Variants in NAA25 observed in about 807,000 individuals in gnomAD.
NAA25 encodes N-alpha-acetyltransferase 25, NatB auxiliary subunit.
Under a neutral mutation model 132.5 loss-of-function variants are expected in NAA25, and 30 were observed. The observed-to-expected ratio is 0.23, with a 90% confidence interval of 0.17 to 0.31. The LOEUF (loss-of-function observed/expected upper bound fraction) is 0.31. Ranked by LOEUF, NAA25 falls within the 10% of genes least tolerant of loss-of-function variation. The probability of loss-of-function intolerance (pLI) is 1.00; values close to 1 mark genes in which losing one functional copy is unlikely to be tolerated. For synonymous variants in NAA25, 359 were observed against 401.9 expected (o/e 0.89, Z 1.28); for missense variants, 771 against 1,150.4 (o/e 0.67, Z 4.77).
rs1565994821 is a variant in NAA25, at chr12:112,033,216, T to TG, written c.2796+16dup. On this transcript the variant is annotated intron_variant, in intron 23 of 23. Coordinates refer to ENST00000261745, the MANE Select transcript of NAA25 (RefSeq NM_024953.4). The stretch of plus-strand genomic sequence containing the variant: ...TGTGTGTGTAGAAAACATTGCCGAT[T>TG]GCCTACAATCTCTTACCGGTGAGAG... The TG allele has an allele frequency of 4.4e-6, 7 of 1,591,314 alleles. No individual in the cohort carries two copies. The highest frequency in any genetic ancestry group is 6.0e-6 in the Non-Finnish European group (7 of 1,169,846).
chr12:112,051,222 T>C (rs897400837), intron 15 of NAA25, among the ~76,000 whole-genome samples: 1 of 152,128 alleles, frequency 6.6e-6, no homozygotes, highest in Non-Finnish European at 1.5e-5. Context: ...ATATTTTTCT[T>C]TTTTGGTGGG....
At chr12:112,057,931 A>G (rs926885181) in intron 13 of NAA25, among the ~76,000 whole-genome samples, 4 of 152,112 alleles carry the variant, frequency 2.6e-5, no homozygotes, top group Non-Finnish European at 5.9e-5. Flanking sequence ...CAGTGAGCCA[A>G]GATTGTGCCA....
At chr12:112,064,917 C>T (rs2078692937) in intron 11 of NAA25, among the ~76,000 whole-genome samples, 1 of 152,006 alleles carries the variant, frequency 6.6e-6, no homozygotes. Context: ...GCCTGTAATC[C>T]CAGCTACTTG....
At chr12:112,032,287 A>G (rs1593738525) in intron 23 of NAA25, among the ~76,000 whole-genome samples, 1 of 151,930 alleles carries the variant, frequency 6.6e-6, no homozygotes, top group East Asian at 1.9e-4. Context: ...TTTTTAATCA[A>G]TCTTTGGTAA....
intron 3 of NAA25, chr12:112,090,336 A>G (rs2079112740): frequency 6.3e-6 from 1 of 159,330 alleles, no homozygotes; most frequent in Non-Finnish European, 1.4e-5. Flanking sequence ...GCTCTGAAGT[A>G]ATCTGCCAGG....
At chr12:112,072,754 T>C (rs1392810406) in intron 9 of NAA25, among the ~76,000 whole-genome samples, 2 of 151,232 alleles carry the variant, frequency 1.3e-5, no homozygotes, top group Non-Finnish European at 2.9e-5. Context: ...GCCTAGGCAA[T>C]GCATGGAGAC....
chr12:112,066,934 T>A (rs780882592), intron 11 of NAA25, among the ~76,000 whole-genome samples: 14 of 152,216 alleles, frequency 9.2e-5, no homozygotes, highest in Non-Finnish European at 2.1e-4. Flanking sequence ...TCATTCCACA[T>A]GGGGACAATA....
intron 16 of NAA25, 30 bp downstream of exon 16, chr12:112,048,262 G>T: frequency 1.9e-6 from 3 of 1,597,284 alleles, no homozygotes; most frequent in Non-Finnish European, 2.6e-6. Context: ...TAATCCCTTA[G>T]TTCCTTTATA....
At chr12:112,087,281 A>C (rs1396873233) in intron 4 of NAA25, among the ~76,000 whole-genome samples, 1 of 152,226 alleles carries the variant, frequency 6.6e-6, no homozygotes, top group Non-Finnish European at 1.5e-5. Context: ...TAAAAATCTT[A>C]GCAGGCTATC....
At chr12:112,073,567 G>A (rs1324299335) in intron 9 of NAA25, among the ~76,000 whole-genome samples, 1 of 152,126 alleles carries the variant, frequency 6.6e-6, no homozygotes, top group East Asian at 1.9e-4. Context: ...CTCCAGAGTA[G>A]CTGGGACTAC....
At chr12:112,039,195 G>T in intron 22 of NAA25, 34 bp downstream of exon 22, 1 of 1,324,114 alleles carries the variant, frequency 7.6e-7, no homozygotes. Context: ...TGGTCAGATT[G>T]TTCCTTGTAT....
Position 112,108,776 on chromosome 12 carries a change from T to C in NAA25, c.-3A>G. The C allele has an allele frequency of 3.3e-6, 5 of 1,518,366 alleles. No individual in the cohort carries two copies. Among genetic ancestry groups the C allele is most frequent in the Non-Finnish European group, 4.4e-6 (5 of 1,129,292 alleles). 94.1% of individuals were successfully genotyped at this position (1,518,366 alleles called of 1,614,324 possible). A position where few individuals can be genotyped will look rare whatever the true frequency, so the allele number is the denominator to read the frequency against. On this transcript the variant is annotated 5_prime_UTR_variant, in exon 1 of 24. Transcript: ENST00000261745. ...TGCACATGGCCCCGCGTCGCCATGA[T>C]GACAAGCGCAGAACCACAGTGCGCA...
chr12:112,040,951 C>A (rs2078292401), intron 20 of NAA25, among the ~76,000 whole-genome samples: 2 of 152,106 alleles, frequency 1.3e-5, no homozygotes, highest in African/African-American at 4.8e-5. Context: ...AGAAATGCAT[C>A]TTCATAACAG....
intron 13 of NAA25, among the ~76,000 whole-genome samples, chr12:112,055,814 C>T (rs2078535713): frequency 6.6e-6 from 1 of 152,046 alleles, no homozygotes; most frequent in African/African-American, 2.4e-5. Flanking sequence ...AAAATTTATA[C>T]AAGCTACTTT....
chr12:112,085,170 C>T (rs2079028016), intron 4 of NAA25, among the ~76,000 whole-genome samples: 1 of 152,134 alleles, frequency 6.6e-6, no homozygotes, highest in Admixed American at 6.6e-5. Flanking sequence ...GCGGAGGTTG[C>T]AGTGAGCCAA....
chr12:112,068,900 G>T lies in NAA25; in HGVS notation c.1129C>A (p.Pro377Thr). ...TDLKVFVDLLPATQCTKFINQ... is the reference protein window; with the variant it reads ...TDLKVFVDLLTATQCTKFINQ... ...CTTACTTTTGTACACTGTGTAGCAG[G>T]TAAGAGGTCAACAAACACCTTAAGG... Residue 377 changes from proline (P) to threonine (T), a missense_variant, in exon 11 of 24, where the codon CCT becomes ACT. Transcript: ENST00000261745. The T allele has an allele frequency of 6.2e-7, 1 of 1,609,830 alleles. No individual in the cohort carries two copies. Among genetic ancestry groups the T allele is most frequent in the African/African-American group, 1.3e-5 (1 of 74,926 alleles).
chr12:112,064,862 C>A (rs534193871), intron 11 of NAA25, among the ~76,000 whole-genome samples: 1 of 150,918 alleles, frequency 6.6e-6, no homozygotes. Flanking sequence ...TGGAGAAACC[C>A]GGTCTCTACT....
chr12:112,078,150 G>GA (rs759095911), intron 7 of NAA25, 38 bp downstream of exon 7: 15,416 of 1,092,808 alleles, frequency 0.014, no homozygotes, highest in Non-Finnish European at 0.016. Flanking sequence ...GTTTAAATAG[G>GA]AAAAAAAAAA....
chr12:112,096,261 A>G (rs1650541090), intron 1 of NAA25, among the ~76,000 whole-genome samples: 1 of 152,204 alleles, frequency 6.6e-6, no homozygotes, highest in East Asian at 1.9e-4. Context: ...CTAAATATAC[A>G]ATGATGACTG....
Sources: allele counts gnomAD v4.1 joint callset (sites outside exome capture counted in the v4.1 genomes callset), GRCh38; gene constraint gnomAD v4.1.1; transcripts MANE v1.5; gene names NCBI Gene and HGNC (gene_info 2026-07-23, HGNC 2026-07-21).